UBOX5: variants seen among roughly 807,000 people sequenced by gnomAD.
The protein encoded by UBOX5 is U-box domain containing 5.
In UBOX5, 28 loss-of-function variants were observed where a neutral mutation model predicts 39.0. The ratio of observed to expected loss-of-function variants is 0.72; its 90% CI spans 0.53 to 0.98. The LOEUF is 0.98. Among genes scored for constraint, UBOX5 ranks in the 50% least tolerant of loss-of-function variants. UBOX5 has a pLI of 0.00. For missense variants in UBOX5, 585 were observed against 674.4 expected, an observed-to-expected ratio of 0.87 and a Z score of 1.47; for synonymous variants, 283 against 275.5, an observed-to-expected ratio of 1.03 and a Z score of -0.27.
intron 1 of UBOX5, among the ~76,000 whole-genome samples, chr20:3,141,289 T>A (rs1185943440): frequency 6.6e-6 from 1 of 152,000 alleles, no homozygotes; most frequent in African/African-American, 2.4e-5. Flanking sequence ...GCTGAAAAAA[T>A]TTTAAAAATA....
chr20:3,137,540 A>AT (rs1463784320), intron 1 of UBOX5, among the ~76,000 whole-genome samples: 3 of 152,218 alleles, frequency 2.0e-5, no homozygotes, highest in Non-Finnish European at 4.4e-5. Context: ...AAGTGTTGGG[A>AT]TTACAAGTGT....
intron 1 of UBOX5, among the ~76,000 whole-genome samples, chr20:3,131,683 TATTCAAAACCTGTA>T (rs1194292589): frequency 6.6e-6 from 1 of 152,204 alleles, no homozygotes; most frequent in African/African-American, 2.4e-5. Context: ...AAAACCTATA[TATTCAAAACCTGTA>T]ATTCAAAACC....
rs1340177999 is a variant in UBOX5, at chr20:3,152,761, A to G, written c.-42+7005T>C. On this transcript the variant is annotated intron_variant, in intron 1 of 4. Coordinates refer to ENST00000217173, the MANE Select transcript of UBOX5 (RefSeq NM_014948.4). ...CATCTCTACTAAAAATACAAAAATT[A>G]GCTGGGCGTGGTAGTGCGCCTGTAA... 2.0e-5 allele frequency among the ~76,000 whole-genome samples: 3 copies of G among 151,712 alleles called. No individual in the cohort carries two copies. In the East Asian group the frequency reaches 5.9e-4, roughly 30 times the overall value.
intron 1 of UBOX5, among the ~76,000 whole-genome samples, chr20:3,137,434 A>G (rs2066480982): frequency 6.6e-6 from 1 of 151,752 alleles, no homozygotes; most frequent in Non-Finnish European, 1.5e-5. Context: ...ATGCCTGGCT[A>G]TTTTTTGTAT....
chr20:3,151,055 T>C (rs1156681060), intron 1 of UBOX5, among the ~76,000 whole-genome samples: 2 of 150,782 alleles, frequency 1.3e-5, no homozygotes, highest in African/African-American at 5.0e-5. Context: ...TTAGTGTGTG[T>C]TTGTGTGTGT....
In UBOX5 at chr20:3,146,603, T is replaced by G. The variant is rs1242101580; in HGVS notation, c.-42+13163A>C. On this transcript the variant is annotated intron_variant, in intron 1 of 4. Transcript: ENST00000217173. ...TTTGCAGTAATTTGTACAATCCAAC[T>G]ACATTACAATTCACAGTAACATACA... 5 of 688,086 alleles carry G rather than the reference T, an allele frequency of 7.3e-6. No individual in the cohort carries two copies. In the Admixed American group the frequency reaches 1.4e-4, roughly 20 times the overall value. The allele number at this position is 688,086 out of a possible 1,614,324, so 42.6% of individuals were successfully genotyped here.
At chr20:3,141,302 G>T (rs1471217973) in intron 1 of UBOX5, among the ~76,000 whole-genome samples, 1 of 152,028 alleles carries the variant, frequency 6.6e-6, no homozygotes, top group African/African-American at 2.4e-5. Context: ...TAAAAATAAA[G>T]AATATTTGCT....
rs75775162 is a variant in UBOX5, at chr20:3,114,198, A to G, written c.1417+1107T>C. ...GGGCGGCAGGATGAGTTCCAAGGAG[A>G]AGCAGGAGCTACAGGGGAACATGGA... On this transcript the variant is annotated intron_variant, in intron 4 of 4. Coordinates refer to ENST00000217173, the MANE Select transcript of UBOX5 (RefSeq NM_014948.4). Among the ~76,000 whole-genome samples, 485 of 152,146 alleles carry G rather than the reference A, an allele frequency of 3.2e-3. 14 individuals carry two copies. The East Asian group carries it at 0.072, about 23-fold the overall frequency.
Position 3,110,299 on chromosome 20 carries a change from A to C in UBOX5, c.1433T>G (p.Ile478Ser). 1 of 1,614,112 alleles carries C rather than the reference A, an allele frequency of 6.2e-7. No homozygotes were observed. Among genetic ancestry groups the C allele is most frequent in the South Asian group, 1.1e-5 (1 of 91,074 alleles). ...PGTGSEQPGS[I>S]LGPECASCKR... ...GCAGGAGGCACATTCGGGGCCCAGG[A>C]TGCTCCCAGGCTGCTCTGGTAAATC... The change falls in exon 5 of 5, where the codon ATC becomes AGC. Residue 478 changes from isoleucine (I) to serine (S), a missense_variant. Physicochemically the swap from Ile to Ser is moderately radical, Grantham distance 142. Coordinates refer to ENST00000217173, the MANE Select transcript of UBOX5 (RefSeq NM_014948.4).
intron 1 of UBOX5, among the ~76,000 whole-genome samples, chr20:3,157,736 T>C (rs918161327): frequency 1.3e-5 from 2 of 152,364 alleles, no homozygotes; most frequent in South Asian, 4.1e-4. Context: ...AGTAGCTGCA[T>C]GCACACAGTC....
Position 3,110,050 on chromosome 20 carries a change from C to A in UBOX5, c.*56G>T. ...ACCTCAGGGGTGCTGTGGCCCTGCT[C>A]CTGTTCCCCCTCAGCTCCTCCCAGC... On this transcript the variant is annotated 3_prime_UTR_variant, in exon 5 of 5. Coordinates refer to ENST00000217173, the MANE Select transcript of UBOX5 (RefSeq NM_014948.4). The A allele has an allele frequency of 1.3e-6, 2 of 1,596,558 alleles. No homozygotes were observed. The highest frequency in any genetic ancestry group is 1.1e-5 in the South Asian group (1 of 90,744).
rs777193248 is a variant in UBOX5, at chr20:3,122,533, T to C, written c.106A>G (p.Lys36Glu). Residue 36 changes from lysine (K) to glutamate (E), a missense_variant, in exon 3 of 5, where the codon AAG (lysine) becomes GAG (glutamate). Lys to Glu is a moderately conservative substitution (Grantham distance 56). Transcript: ENST00000217173. ...VENLISEDLT[K>E]RSHGFRTEYF... ...TCTGTCCTGAAACCATGACTTCTCT[T>C]TGTGAGATCTTCAGAGATGAGATTT... 6.2e-7 allele frequency: 1 copy of C among 1,609,336 alleles called. No homozygotes were observed. The highest frequency in any genetic ancestry group is 8.5e-7 in the Non-Finnish European group (1 of 1,177,036).
chr20:3,110,636 C>A, intron 4 of UBOX5: 1 of 382,320 alleles, frequency 2.6e-6, no homozygotes, highest in South Asian at 2.5e-5. Flanking sequence ...CGATAGGTGG[C>A]CAAGGCTGGA....
chr20:3,114,967 A>T (rs904889945), intron 4 of UBOX5, among the ~76,000 whole-genome samples: 7 of 152,150 alleles, frequency 4.6e-5, no homozygotes, highest in African/African-American at 7.2e-5. Flanking sequence ...AATAAATAAC[A>T]AACAAAAAAA....
At chr20:3,128,952 C>T (rs942787711) in intron 1 of UBOX5, among the ~76,000 whole-genome samples, 3 of 152,180 alleles carry the variant, frequency 2.0e-5, no homozygotes, top group African/African-American at 7.2e-5. Context: ...CTTGACTGCC[C>T]TTTCCAATAT....
intron 1 of UBOX5, among the ~76,000 whole-genome samples, chr20:3,143,785 C>T (rs1028584535): frequency 6.6e-6 from 1 of 151,864 alleles, no homozygotes; most frequent in Non-Finnish European, 1.5e-5. Flanking sequence ...GAGTGAGACT[C>T]CGTCTCAAAA....
At position 3,148,142 on chromosome 20, in the gene UBOX5, A is replaced by G. The variant is rs375963955; in HGVS notation, c.-42+11624T>C. 3.1e-5 allele frequency: 50 copies of G among 1,613,888 alleles called. 1 individual carries two copies. In the South Asian group the frequency reaches 3.2e-4, roughly 10 times the overall value. ...AACCTCCTCCAAATTGATCAAATCT[A>G]TATATTTAAGGATCAATGATTCCAA... On this transcript the variant is annotated intron_variant, in intron 1 of 4. Coordinates refer to ENST00000217173, the MANE Select transcript of UBOX5 (RefSeq NM_014948.4).
intron 1 of UBOX5, chr20:3,147,080 G>A (rs763501228): frequency 1.2e-6 from 2 of 1,614,128 alleles, no homozygotes; most frequent in Non-Finnish European, 1.7e-6. Flanking sequence ...GCCCCCCAGA[G>A]GTACAGCTGC....
intron 1 of UBOX5, among the ~76,000 whole-genome samples, chr20:3,124,195 T>C (rs2066359446): frequency 6.6e-6 from 1 of 152,068 alleles, no homozygotes; most frequent in African/African-American, 2.4e-5. Context: ...TGAGACCCTG[T>C]CTCAAAGGAA....
Sources: allele counts gnomAD v4.1 joint callset (sites outside exome capture counted in the v4.1 genomes callset), GRCh38; gene constraint gnomAD v4.1.1; transcripts MANE v1.5; gene names NCBI Gene and HGNC (gene_info 2026-07-23, HGNC 2026-07-21).